The following SIPA1L1 variants were observed in gnomAD, a reference collection of about 807,000 sequenced individuals.
SIPA1L1 encodes signal induced proliferation associated 1 like 1.
In SIPA1L1, 26 loss-of-function variants were observed where a neutral mutation model predicts 162.7. The observed-to-expected ratio is 0.16, with a 90% CI of 0.12 to 0.22. The LOEUF (loss-of-function observed/expected upper bound fraction) is 0.22, where lower values mean the gene tolerates loss of function less well. Among genes scored for constraint, SIPA1L1 ranks in the 10% least tolerant of loss-of-function variants. SIPA1L1 has a pLI of 1.00. For synonymous variants in SIPA1L1, 829 were observed against 837.4 expected, an observed-to-expected ratio of 0.99 and a Z score of 0.17; for missense variants, 1,874 against 2,241.0, an observed-to-expected ratio of 0.84 and a Z score of 3.31.
At chr14:71,516,699 G>A (rs1014978774) in intron 3 of SIPA1L1, among the ~76,000 whole-genome samples, 4 of 151,588 alleles carry the variant, frequency 2.6e-5, no homozygotes, top group South Asian at 2.1e-4. Context: ...TTGGCTGGGT[G>A]TGGTGGCTCA....
At chr14:71,610,269 CT>C (rs547518363) in intron 5 of SIPA1L1, among the ~76,000 whole-genome samples, 167 of 152,260 alleles carry the variant, frequency 1.1e-3, no homozygotes, top group Admixed American at 2.5e-3. Context: ...TATAGACCCC[CT>C]AATTTCTGTT....
At chr14:71,526,028 C>T (rs1296154028) in intron 3 of SIPA1L1, among the ~76,000 whole-genome samples, 3 of 152,150 alleles carry the variant, frequency 2.0e-5, no homozygotes, top group Non-Finnish European at 4.4e-5. Flanking sequence ...AGTTGCAATG[C>T]AGACATCACA....
At chr14:71,353,110 G>A (rs1013057340) in intron 2 of SIPA1L1, among the ~76,000 whole-genome samples, 1 of 152,138 alleles carries the variant, frequency 6.6e-6, no homozygotes, top group African/African-American at 2.4e-5. Context: ...TAAATAAAAT[G>A]ACTAAATACC....
rs181018243 is a variant in SIPA1L1 at position 71,322,910 on chromosome 14, G to A, written c.-465+1729G>A. ...AGTTTGAAATTGCAATTCTGGTACA[G>A]TGAACTTTTAAAATCTGAAGTATCA... On this transcript the variant is annotated intron_variant, in intron 2 of 23. Coordinates refer to ENST00000381232, the MANE Select transcript of SIPA1L1 (RefSeq NM_001386936.1). Among the ~76,000 whole-genome samples, 24 of 152,338 alleles carry A rather than the reference G, an allele frequency of 1.6e-4. 1 individual carries two copies. Among genetic ancestry groups the A allele is most frequent in the Admixed American group, 1.3e-4 (2 of 15,310 alleles).
chr14:71,511,086 C>T (rs1215347405), intron 2 of SIPA1L1, among the ~76,000 whole-genome samples: 1 of 152,134 alleles, frequency 6.6e-6, no homozygotes, highest in Non-Finnish European at 1.5e-5. Flanking sequence ...TGCCTTTGTT[C>T]CCCAGGTGAA....
intron 12 of SIPA1L1, among the ~76,000 whole-genome samples, chr14:71,684,458 C>G (rs1030717811): frequency 6.6e-6 from 1 of 152,254 alleles, no homozygotes; most frequent in Non-Finnish European, 1.5e-5. Context: ...GGCCGGACGC[C>G]CTTTGGGCCT....
At chr14:71,618,663 T>C in intron 5 of SIPA1L1, 94 bp from the exon 6 acceptor site, 3 of 1,132,302 alleles carry the variant, frequency 2.6e-6, no homozygotes, top group Non-Finnish European at 3.8e-6. Context: ...ATTGATAAAA[T>C]TTCTGAGTGA....
chr14:71,532,085 A>G (rs1166508735), intron 4 of SIPA1L1, among the ~76,000 whole-genome samples: 1 of 152,086 alleles, frequency 6.6e-6, no homozygotes, highest in Non-Finnish European at 1.5e-5. Flanking sequence ...AACTCAAAAG[A>G]TTTTTTCCCC....
intron 2 of SIPA1L1, among the ~76,000 whole-genome samples, chr14:71,460,279 G>T (rs565638533): frequency 6.6e-6 from 1 of 152,152 alleles, no homozygotes; most frequent in African/African-American, 2.4e-5. Context: ...TCAGCGGGTC[G>T]TGGTTTTCTT....
intron 4 of SIPA1L1, among the ~76,000 whole-genome samples, chr14:71,531,216 TATTC>T (rs1048401716): frequency 8.5e-5 from 13 of 152,338 alleles, no homozygotes; most frequent in African/African-American, 3.1e-4. Flanking sequence ...TAAATAGCTC[TATTC>T]ATTCTGTAGT....
At chr14:71,325,937 A>G (rs896750939) in intron 2 of SIPA1L1, among the ~76,000 whole-genome samples, 3 of 152,152 alleles carry the variant, frequency 2.0e-5, no homozygotes, top group African/African-American at 7.2e-5. Context: ...TGTGCTTGTT[A>G]TGAATGCCAG....
intron 2 of SIPA1L1, among the ~76,000 whole-genome samples, chr14:71,341,142 A>G (rs2035609150): frequency 6.6e-6 from 1 of 152,222 alleles, no homozygotes; most frequent in African/African-American, 2.4e-5. Flanking sequence ...GGGAAGTCCA[A>G]GGCCCGGGAT....
intron 2 of SIPA1L1, among the ~76,000 whole-genome samples, chr14:71,360,695 C>T (rs1367536329): frequency 1.3e-5 from 2 of 152,010 alleles, no homozygotes; most frequent in East Asian, 3.8e-4. Context: ...TGAGGAATTG[C>T]CTTTTGGAAG....
chr14:71,613,182 T>TA (rs1313804983), intron 5 of SIPA1L1, among the ~76,000 whole-genome samples: 1 of 152,196 alleles, frequency 6.6e-6, no homozygotes, highest in Non-Finnish European at 1.5e-5. Flanking sequence ...TTTTTATTCA[T>TA]AATAAAATTT....
chr14:71,355,216 G>A (rs1161104091), intron 2 of SIPA1L1, among the ~76,000 whole-genome samples: 2 of 152,134 alleles, frequency 1.3e-5, no homozygotes, highest in African/African-American at 2.4e-5. Context: ...ATTATTAACC[G>A]CTGATTACTT....
At chr14:71,372,672 C>T (rs2141035090) in intron 2 of SIPA1L1, among the ~76,000 whole-genome samples, 1 of 152,198 alleles carries the variant, frequency 6.6e-6, no homozygotes, top group Non-Finnish European at 1.5e-5. Context: ...TCCATTCAAG[C>T]AGTAGTTGAA....
intron 2 of SIPA1L1, among the ~76,000 whole-genome samples, chr14:71,461,651 C>T (rs1288253489): frequency 6.6e-6 from 1 of 152,246 alleles, no homozygotes; most frequent in African/African-American, 2.4e-5. Flanking sequence ...CTCTTGGCTA[C>T]AGCCTATGAA....
At chr14:71,625,574 T>C (rs1473523151) in intron 7 of SIPA1L1, among the ~76,000 whole-genome samples, 1 of 152,256 alleles carries the variant, frequency 6.6e-6, no homozygotes, top group Non-Finnish European at 1.5e-5. Flanking sequence ...GTATCCATGT[T>C]CATAATGTGA....
chr14:71,582,676 T>C (rs2034100597), intron 4 of SIPA1L1, among the ~76,000 whole-genome samples: 1 of 152,232 alleles, frequency 6.6e-6, no homozygotes, highest in Non-Finnish European at 1.5e-5. Context: ...TTTGTTAATT[T>C]TACCAAAAGT....
Sources: gnomAD v4.1 joint callset for allele counts (sites outside exome capture counted in the v4.1 genomes callset) on GRCh38, gnomAD v4.1.1 for gene constraint, MANE v1.5 for transcripts, NCBI Gene and HGNC (gene_info 2026-07-23, HGNC 2026-07-21) for gene names.